Variants in LOC400499 observed in about 807,000 individuals in gnomAD.
the LOC400499 span, chr16:11,475,783 G>C: frequency 2.5e-6 from 1 of 396,862 alleles, no homozygotes; most frequent in East Asian, 3.6e-5. Context: ...GTAACACCTT[G>C]AGCTGCCAGA....
chr16:11,429,332 C>A, the LOC400499 span, among the ~76,000 whole-genome samples: 1 of 152,190 alleles, frequency 6.6e-6, no homozygotes, highest in African/African-American at 2.4e-5. Flanking sequence ...ATGCACCATA[C>A]TTCCAGTACA....
At chr16:11,460,775 T>C in the LOC400499 span, among the ~76,000 whole-genome samples, 1 of 152,240 alleles carries the variant, frequency 6.6e-6, no homozygotes, top group Non-Finnish European at 1.5e-5. Flanking sequence ...TGTTAAGAGA[T>C]GGGTGAATGT....
chr16:11,409,110 A>T, the LOC400499 span, among the ~76,000 whole-genome samples: 1 of 151,674 alleles, frequency 6.6e-6, no homozygotes, highest in Non-Finnish European at 1.5e-5. Context: ...AAAATACAAA[A>T]ATTAGCCAGG....
chr16:11,475,335 T>A, the LOC400499 span, among the ~76,000 whole-genome samples: 1 of 151,954 alleles, frequency 6.6e-6, no homozygotes, highest in Admixed American at 6.6e-5. Flanking sequence ...AAAATAAAAA[T>A]AATAAATAAA....
the LOC400499 span, chr16:11,372,465 GTC>G: frequency 6.6e-6 from 1 of 152,330 alleles, no homozygotes; most frequent in Non-Finnish European, 1.5e-5. Flanking sequence ...TGGCCGCACT[GTC>G]TCCTGGTTTG....
At chr16:11,500,256 C>T in the LOC400499 span, among the ~76,000 whole-genome samples, 1 of 152,008 alleles carries the variant, frequency 6.6e-6, no homozygotes, top group Non-Finnish European at 1.5e-5. Flanking sequence ...ACCTGTAATC[C>T]CAGCACTGTG....
the LOC400499 span, among the ~76,000 whole-genome samples, chr16:11,456,585 G>C: frequency 1.3e-5 from 2 of 152,108 alleles, no homozygotes; most frequent in African/African-American, 2.4e-5. Context: ...TTAAAGATAA[G>C]GTTTTCGTTT....
chr16:11,491,198 C>T, the LOC400499 span, among the ~76,000 whole-genome samples: 7 of 152,162 alleles, frequency 4.6e-5, no homozygotes, highest in South Asian at 2.1e-4. Flanking sequence ...TTCTCAGGCT[C>T]CAGGCTCTCA....
At chr16:11,402,705 T>C in the LOC400499 span, among the ~76,000 whole-genome samples, 2 of 151,964 alleles carry the variant, frequency 1.3e-5, no homozygotes, top group African/African-American at 4.8e-5. Context: ...AGCCGCCCGC[T>C]CACCCTACAG....
At chr16:11,521,921 C>G in the LOC400499 span, 2 of 399,144 alleles carry the variant, frequency 5.0e-6, no homozygotes, top group Non-Finnish European at 8.8e-6. Context: ...CCAGCATCAA[C>G]GTGATCTCCC....
the LOC400499 span, chr16:11,402,388 G>A: frequency 2.6e-6 from 1 of 377,548 alleles, no homozygotes; most frequent in Admixed American, 4.5e-5. Flanking sequence ...CCGTTACAAT[G>A]AGACTCTGAG....
the LOC400499 span, among the ~76,000 whole-genome samples, chr16:11,410,392 T>C: frequency 2.0e-5 from 3 of 152,152 alleles, no homozygotes; most frequent in Admixed American, 6.5e-5. Flanking sequence ...AGGCGGAGGT[T>C]GCAGTGAGCC....
the LOC400499 span, chr16:11,414,670 C>T: frequency 5.0e-6 from 2 of 397,652 alleles, no homozygotes; most frequent in Non-Finnish European, 8.9e-6. Flanking sequence ...GTGGGGTCAA[C>T]CCCTTTGAGC....
chr16:11,424,541 G>A, the LOC400499 span, among the ~76,000 whole-genome samples: 1 of 152,240 alleles, frequency 6.6e-6, no homozygotes, highest in Non-Finnish European at 1.5e-5. Flanking sequence ...ACTGTCCACA[G>A]TTCACAGAAA....
the LOC400499 span, among the ~76,000 whole-genome samples, chr16:11,374,604 A>C: frequency 6.6e-6 from 1 of 152,142 alleles, no homozygotes; most frequent in Non-Finnish European, 1.5e-5. Context: ...TGACTGGCTT[A>C]TTTCACTTTG....
chr16:11,419,375 G>A, the LOC400499 span, among the ~76,000 whole-genome samples: 262 of 152,008 alleles, frequency 1.7e-3, 1 homozygote, highest in African/African-American at 6.0e-3. Context: ...AATAAATGGT[G>A]CTGGGAAAAC....
At chr16:11,427,875 G>C in the LOC400499 span, among the ~76,000 whole-genome samples, 36 of 152,144 alleles carry the variant, frequency 2.4e-4, no homozygotes, top group Admixed American at 2.3e-3. Context: ...AATCTATTTG[G>C]GTGTAAGGTG....
the LOC400499 span, among the ~76,000 whole-genome samples, chr16:11,382,040 G>A: frequency 2.6e-5 from 4 of 151,840 alleles, no homozygotes; most frequent in Non-Finnish European, 5.9e-5. Context: ...GGGTTCAAGC[G>A]ATTCTCCTGC....
At chr16:11,459,876 G>A in the LOC400499 span, 5 of 1,349,188 alleles carry the variant, frequency 3.7e-6, no homozygotes, top group Non-Finnish European at 4.8e-6. Context: ...GCACGGCTCT[G>A]CCGCAGTGGC....
Sources: allele counts gnomAD v4.1 joint callset (sites outside exome capture counted in the v4.1 genomes callset), GRCh38; gene constraint gnomAD v4.1.1; transcripts MANE v1.5.